SORCS2: variants seen among roughly 807,000 people sequenced by gnomAD.
The protein encoded by SORCS2 is sortilin related VPS10 domain containing receptor 2, also known as VPS10 domain-containing receptor SorCS2.
SORCS2 carries 100 observed loss-of-function variants against 141.6 expected under a neutral mutation model. That is an observed-to-expected ratio of 0.71 (90% confidence interval 0.60 to 0.83). The LOEUF (loss-of-function observed/expected upper bound fraction) is 0.83, where lower values mean the gene tolerates loss of function less well. Ranked by LOEUF, SORCS2 falls within the 40% of genes least tolerant of loss-of-function variation. The probability of loss-of-function intolerance (pLI) is 0.00; values close to 1 mark genes in which losing one functional copy is unlikely to be tolerated. For missense variants in SORCS2, 1,646 were observed against 1,560.2 expected, an observed-to-expected ratio of 1.05 and a Z score of -0.93; for synonymous variants, 789 against 676.9, an observed-to-expected ratio of 1.17 and a Z score of -2.57.
chr4:7,367,228 C>T (rs1305169355), intron 1 of SORCS2, among the ~76,000 whole-genome samples: 6 of 152,294 alleles, frequency 3.9e-5, no homozygotes, highest in South Asian at 2.1e-4. Context: ...CTTGGAACAC[C>T]GTTCAGGTGA....
At chr4:7,705,700 T>C (rs1725385781) in intron 14 of SORCS2, among the ~76,000 whole-genome samples, 1 of 152,214 alleles carries the variant, frequency 6.6e-6, no homozygotes, top group Non-Finnish European at 1.5e-5. Context: ...CTGGCCTGGC[T>C]CATTCACCAG....
chr4:7,554,995 C>T (rs977995505), intron 3 of SORCS2, among the ~76,000 whole-genome samples: 2 of 152,176 alleles, frequency 1.3e-5, no homozygotes, highest in African/African-American at 4.8e-5. Context: ...GAGGTTGTGT[C>T]TGGAATCAGC....
chr4:7,503,423 A>G (rs1732090518), intron 2 of SORCS2, among the ~76,000 whole-genome samples: 1 of 152,228 alleles, frequency 6.6e-6, no homozygotes, highest in Non-Finnish European at 1.5e-5. Context: ...AACCACATGG[A>G]GATGAGCTAG....
At chr4:7,401,843 G>C (rs1267125052) in intron 2 of SORCS2, among the ~76,000 whole-genome samples, 1 of 149,768 alleles carries the variant, frequency 6.7e-6, no homozygotes, top group Non-Finnish European at 1.5e-5. Flanking sequence ...AGAATGACTT[G>C]GTTGAATCCT....
At chr4:7,388,640 C>A (rs571789876) in intron 1 of SORCS2, among the ~76,000 whole-genome samples, 1 of 152,214 alleles carries the variant, frequency 6.6e-6, no homozygotes, top group African/African-American at 2.4e-5. Context: ...GAGGTGAATA[C>A]AGATTGTTTT....
Position 7,582,546 on chromosome 4 carries a change from G to A in SORCS2, c.648+50917G>A, listed in dbSNP as rs374390671. Among the ~76,000 whole-genome samples the A allele has an allele frequency of 1.4e-4, 21 of 152,192 alleles. 1 individual carries two copies. In the East Asian group the frequency reaches 1.7e-3, roughly 13 times the overall value. On this transcript the variant is annotated intron_variant, in intron 3 of 26. Coordinates refer to ENST00000507866, the MANE Select transcript of SORCS2 (RefSeq NM_020777.3). ...GGAACCTGGCGCTAAGCCATTCGTA[G>A]ATGACCTGCTTCTGGCTCGGGGTTT...
At chr4:7,245,052 C>T (rs943776876) in intron 1 of SORCS2, among the ~76,000 whole-genome samples, 1 of 152,116 alleles carries the variant, frequency 6.6e-6, no homozygotes, top group African/African-American at 2.4e-5. Context: ...GTTCAGCAAG[C>T]GTGGATGGGG....
At chr4:7,325,977 G>A (rs914358568) in intron 1 of SORCS2, among the ~76,000 whole-genome samples, 19 of 152,140 alleles carry the variant, frequency 1.2e-4, no homozygotes, top group African/African-American at 2.4e-5. Flanking sequence ...GGAGGGCGTG[G>A]GAGTGAGCAG....
intron 14 of SORCS2, among the ~76,000 whole-genome samples, chr4:7,708,586 T>C (rs919715789): frequency 2.6e-5 from 4 of 152,128 alleles, no homozygotes; most frequent in African/African-American, 4.8e-5. Flanking sequence ...CCTCCCACAG[T>C]CTGGGGGGCG....
chr4:7,500,847 C>A (rs772053592), intron 2 of SORCS2, among the ~76,000 whole-genome samples: 1 of 152,184 alleles, frequency 6.6e-6, no homozygotes. Flanking sequence ...CCTCTCACCT[C>A]GATGCTGGGA....
intron 18 of SORCS2, among the ~76,000 whole-genome samples, chr4:7,723,413 C>T (rs79426999): frequency 0.018 from 2,812 of 152,256 alleles, 88 homozygotes; most frequent in African/African-American, 0.063. Flanking sequence ...TGATGACACC[C>T]TTGGGCCTCT....
At chr4:7,694,596 G>T (rs1025871019) in intron 11 of SORCS2, among the ~76,000 whole-genome samples, 1 of 152,226 alleles carries the variant, frequency 6.6e-6, no homozygotes, top group Non-Finnish European at 1.5e-5. Flanking sequence ...CCTGTGATGC[G>T]TGTGTCCCAG....
At chr4:7,530,387 G>C (rs536565519) in intron 2 of SORCS2, among the ~76,000 whole-genome samples, 2 of 152,262 alleles carry the variant, frequency 1.3e-5, no homozygotes, top group East Asian at 3.9e-4. Context: ...CCAAGCTGGA[G>C]AGTTGCCCCC....
At chr4:7,405,822 C>G (rs946362054) in intron 2 of SORCS2, among the ~76,000 whole-genome samples, 1 of 151,978 alleles carries the variant, frequency 6.6e-6, no homozygotes, top group Non-Finnish European at 1.5e-5. Context: ...ATTTGGATGC[C>G]TTTCATTTCT....
intron 2 of SORCS2, among the ~76,000 whole-genome samples, chr4:7,500,236 C>G (rs542256338): frequency 6.6e-6 from 1 of 152,286 alleles, no homozygotes; most frequent in South Asian, 2.1e-4. Flanking sequence ...CGTGGAGCCC[C>G]CGGGAGTGTG....
At chr4:7,616,523 A>G (rs543893667) in intron 3 of SORCS2, among the ~76,000 whole-genome samples, 58 of 152,250 alleles carry the variant, frequency 3.8e-4, no homozygotes, top group Middle Eastern at 6.8e-3. Flanking sequence ...TGTCTTTGTC[A>G]GACACCCACC....
intron 11 of SORCS2, among the ~76,000 whole-genome samples, chr4:7,696,456 G>A (rs1413263591): frequency 1.3e-5 from 2 of 152,216 alleles, no homozygotes; most frequent in South Asian, 2.1e-4. Context: ...ATGCACGGCC[G>A]TTGTTCTTTC....
Position 7,714,370 on chromosome 4 carries a change from T to C in SORCS2, c.2120T>C (p.Leu707Pro), listed in dbSNP as rs765373108. 2 of 1,552,256 alleles carry C rather than the reference T, an allele frequency of 1.3e-6. No individual in the cohort carries two copies. Among genetic ancestry groups the C allele is most frequent in the Non-Finnish European group, 1.7e-6 (2 of 1,147,628 alleles). Reference sequence around the variant, plus strand: ...TGCGAGTGCCGGGACTCGGACTTCCTGTGGTGAGCGACGGGCTCCTGGCCA... The same window carrying C: ...TGCGAGTGCCGGGACTCGGACTTCCCGTGGTGAGCGACGGGCTCCTGGCCA... ...RVCECRDSDF[L>P]CDYGFERSSS... The change falls in exon 16 of 27, where the codon CTG (leucine) becomes CCG (proline). Residue 707 changes from leucine (L) to proline (P), a missense_variant. By Grantham distance (98) the Leu-to-Pro change is moderately conservative. Coordinates refer to ENST00000507866, the MANE Select transcript of SORCS2 (RefSeq NM_020777.3).
At chr4:7,370,712 G>A (rs1183808096) in intron 1 of SORCS2, among the ~76,000 whole-genome samples, 1 of 152,192 alleles carries the variant, frequency 6.6e-6, no homozygotes, top group East Asian at 1.9e-4. Context: ...CCACAGCCCT[G>A]ACAATGCCCT....
Sources: gnomAD v4.1 joint callset for allele counts (sites outside exome capture counted in the v4.1 genomes callset) on GRCh38, gnomAD v4.1.1 for gene constraint, MANE v1.5 for transcripts, NCBI Gene and HGNC (gene_info 2026-07-23, HGNC 2026-07-21) for gene names.